SLC5A12: variants seen among roughly 807,000 people sequenced by gnomAD.
SLC5A12 encodes solute carrier family 5 member 12, also known as sodium-coupled monocarboxylate transporter 2.
SLC5A12 carries 46 observed loss-of-function variants against 72.7 expected under a neutral mutation model. The observed-to-expected ratio is 0.63, with a 90% CI of 0.50 to 0.81. SLC5A12 has a LOEUF of 0.81. Among genes scored for constraint, SLC5A12 ranks in the 30% least tolerant of loss-of-function variants. The pLI, the probability that SLC5A12 is intolerant of heterozygous loss-of-function variation, is 0.00. For missense variants in SLC5A12, 683 were observed against 740.7 expected (o/e 0.92, Z 0.90); for synonymous variants, 275 against 264.4 (o/e 1.04, Z -0.39).
intron 6 of SLC5A12, among the ~76,000 whole-genome samples, chr11:26,699,413 G>A (rs117903176): frequency 7.7e-4 from 117 of 152,302 alleles, no homozygotes; most frequent in Admixed American, 1.2e-3. Flanking sequence ...CCGTACAGGT[G>A]TACTTGATTT....
Position 26,703,884 on chromosome 11 carries a change from A to G in SLC5A12, c.589T>C (p.Leu197=). ...GTTGATCCTTGAATGAGAACCGTTA[A>G]GAAGCCCACAATCATGACAACCATC... The part of the protein sequence containing the change: ...FQMVVMIVGF[L]TVLIQGSTHA... The change falls in exon 5 of 15, where the codon TTA becomes CTA. Residue 197 remains leucine (L), a synonymous_variant. Coordinates refer to ENST00000396005, the MANE Select transcript of SLC5A12 (RefSeq NM_178498.4). 6.2e-7 allele frequency: 1 copy of G among 1,613,940 alleles called. No individual in the cohort carries two copies. The highest frequency in any genetic ancestry group is 8.5e-7 in the Non-Finnish European group (1 of 1,179,870).
At position 26,671,025 on chromosome 11, in the gene SLC5A12, G is replaced by A. The variant is rs1333082949; in HGVS notation, c.*77C>T. On this transcript the variant is annotated 3_prime_UTR_variant, in exon 15 of 15. Coordinates refer to ENST00000396005, the MANE Select transcript of SLC5A12 (RefSeq NM_178498.4). ...GGCAACTATACATATCTACTAACAA[G>A]TAGGCAAGAAGTATGTGGAGTTTGT... 1.5e-6 allele frequency: 2 copies of A among 1,311,548 alleles called. No homozygotes were observed. The highest frequency in any genetic ancestry group is 1.6e-5 in the South Asian group (1 of 61,160). The allele number at this position is 1,311,548 out of a possible 1,614,324, so 81.2% of individuals were successfully genotyped here.
intron 6 of SLC5A12, among the ~76,000 whole-genome samples, chr11:26,700,396 A>G (rs557436560): frequency 3.4e-4 from 51 of 151,898 alleles, no homozygotes; most frequent in Non-Finnish European, 5.7e-4. Flanking sequence ...TTATTGGGCA[A>G]CTCTCTGTAC....
At chr11:26,673,356 C>T (rs4347341) in intron 14 of SLC5A12, 46 bp downstream of exon 14, 92,244 of 1,443,988 alleles carry the variant, frequency 0.064, 3,302 homozygotes, top group Middle Eastern at 0.081. Flanking sequence ...AACCAGGAAT[C>T]CCTTTGAGTC....
chr11:26,708,692 C>T (rs1398365608), intron 4 of SLC5A12, among the ~76,000 whole-genome samples: 4 of 151,956 alleles, frequency 2.6e-5, no homozygotes, highest in Non-Finnish European at 5.9e-5. Flanking sequence ...AGGGAATGGG[C>T]AAACAATAGG....
Position 26,669,216 on chromosome 11 carries a change from T to TC in SLC5A12, c.*1885_*1886insG, listed in dbSNP as rs747856407. ...CTTTCTTTCTTTCTTTCTTTCTTTC[T>TC]TTCTCTCTCTCCCTCCCTCTTTCTT... On this transcript the variant is annotated 3_prime_UTR_variant, in exon 15 of 15. Transcript: ENST00000396005. The TC allele has an allele frequency of 2.0e-5, 3 of 149,490 alleles. No homozygotes were observed. The highest frequency in any genetic ancestry group is 6.7e-5 in the Admixed American group (1 of 14,816). 9.3% of individuals were successfully genotyped at this position (149,490 alleles called of 1,614,324 possible).
chr11:26,720,708 T>C (rs1355141166), intron 1 of SLC5A12, among the ~76,000 whole-genome samples: 1 of 152,220 alleles, frequency 6.6e-6, no homozygotes, highest in African/African-American at 2.4e-5. Flanking sequence ...TTGAACATGA[T>C]GTCTTCATTG....
intron 14 of SLC5A12, among the ~76,000 whole-genome samples, chr11:26,672,696 TG>T (rs1854171445): frequency 6.6e-6 from 1 of 152,122 alleles, no homozygotes; most frequent in Admixed American, 6.6e-5. Flanking sequence ...AGTCCAATTT[TG>T]TCTAACTACA....
chr11:26,670,545 G>A lies in SLC5A12; in HGVS notation c.*557C>T, dbSNP rs936274663. The stretch of plus-strand genomic sequence containing the variant: ...AATGACTGGAAGAGGACCTGACAGT[G>A]GTGGTGAAGGGAGGTTAATAGTAGT... On this transcript the variant is annotated 3_prime_UTR_variant, in exon 15 of 15. Transcript: ENST00000396005. 1 of 151,996 alleles carries A rather than the reference G, an allele frequency of 6.6e-6. No individual in the cohort carries two copies. The highest frequency in any genetic ancestry group is 1.9e-4 in the East Asian group (1 of 5,162). 9.4% of individuals were successfully genotyped at this position (151,996 alleles called of 1,614,324 possible).
intron 4 of SLC5A12, 176 bp downstream of exon 4, chr11:26,709,135 GA>G (rs1855160055): frequency 2.2e-6 from 1 of 458,218 alleles, no homozygotes; most frequent in Non-Finnish European, 3.9e-6. Context: ...GGTTGGTAAT[GA>G]AAAGAATGTT....
rs1394822318 is a variant in SLC5A12, at chr11:26,703,421, T to TACAC, written c.821+109_821+110insGTGT. 36 of 1,092,528 alleles carry TACAC rather than the reference T, an allele frequency of 3.3e-5. No homozygotes were observed. The South Asian group carries it at 4.2e-4, about 13-fold the overall frequency. 67.7% of individuals were successfully genotyped at this position (1,092,528 alleles called of 1,614,324 possible). On this transcript the variant is annotated intron_variant, in intron 6 of 14. Transcript: ENST00000396005. ...TCTCTGCCTCTCTCTTACACACACA[T>TACAC]ACATACACACACACACACACACACA...
In SLC5A12 at chr11:26,722,059, A is replaced by T. The variant is rs897771665; in HGVS notation, c.-345T>A. 8.3e-6 allele frequency: 2 copies of T among 241,646 alleles called. No individual in the cohort carries two copies. The highest frequency in any genetic ancestry group is 4.5e-5 in the African/African-American group (2 of 44,258). The allele number at this position is 241,646 out of a possible 1,614,324, so 15.0% of individuals were successfully genotyped here. A position where few individuals can be genotyped will look rare whatever the true frequency, so the allele number is the denominator to read the frequency against. The stretch of plus-strand genomic sequence containing the variant: ...GAAATTAATAACCACTGGGGGTGGA[A>T]TGGACTGGCCAGATAACATGCTGTT... On this transcript the variant is annotated 5_prime_UTR_variant, in exon 1 of 15. Transcript: ENST00000396005.
chr11:26,683,301 C>G lies in SLC5A12; in HGVS notation c.1308+456G>C, dbSNP rs904856670. On this transcript the variant is annotated intron_variant, in intron 11 of 14. Transcript: ENST00000396005. ...AAATGAAGATCCAGCTGTCAGAACC[C>G]AAGTTTGTCCCTTCTCCCCTACATA... Among the ~76,000 whole-genome samples, 2 of 152,048 alleles carry G rather than the reference C, an allele frequency of 1.3e-5. 1 individual carries two copies. The highest frequency in any genetic ancestry group is 4.2e-4 in the South Asian group (2 of 4,816).
At chr11:26,705,160 G>A (rs923694165) in intron 4 of SLC5A12, among the ~76,000 whole-genome samples, 3 of 152,030 alleles carry the variant, frequency 2.0e-5, no homozygotes, top group African/African-American at 7.2e-5. Context: ...GGTCTGGATT[G>A]GGGCCTGGTC....
At chr11:26,684,900 A>T (rs1854493841) in intron 10 of SLC5A12, among the ~76,000 whole-genome samples, 1 of 152,218 alleles carries the variant, frequency 6.6e-6, no homozygotes, top group Non-Finnish European at 1.5e-5. Flanking sequence ...TTCCATGAAT[A>T]GGAAAATAAA....
At chr11:26,683,606 G>C in intron 11 of SLC5A12, 151 bp downstream of exon 11, 1 of 568,316 alleles carries the variant, frequency 1.8e-6, no homozygotes, top group Non-Finnish European at 3.1e-6. Context: ...ACTGAAGTCA[G>C]AGACAGGTAG....
At chr11:26,713,128 T>C (rs1364405607) in intron 1 of SLC5A12, among the ~76,000 whole-genome samples, 1 of 152,116 alleles carries the variant, frequency 6.6e-6, no homozygotes, top group Non-Finnish European at 1.5e-5. Flanking sequence ...CCACTCATCC[T>C]ATCAACCACA....
chr11:26,701,813 T>C (rs1392692733), intron 6 of SLC5A12, among the ~76,000 whole-genome samples: 1 of 152,146 alleles, frequency 6.6e-6, no homozygotes. Flanking sequence ...TACTTGTGTG[T>C]GTCCCTGTGT....
chr11:26,698,098 G>C lies in SLC5A12; in HGVS notation c.951+308C>G, dbSNP rs142051496. Among the ~76,000 whole-genome samples, 341 of 151,806 alleles carry C rather than the reference G, an allele frequency of 2.2e-3. 1 individual carries two copies. The highest frequency in any genetic ancestry group is 7.9e-3 in the African/African-American group (328 of 41,412). On this transcript the variant is annotated intron_variant, in intron 7 of 14. Transcript: ENST00000396005. ...CTTTTAGTAGAGACGATATTTTGCC[G>C]TGTTGGCCAGACTGGTCTCGAACTC...
Sources: gnomAD v4.1 joint callset for allele counts (sites outside exome capture counted in the v4.1 genomes callset) on GRCh38, gnomAD v4.1.1 for gene constraint, MANE v1.5 for transcripts, NCBI Gene and HGNC (gene_info 2026-07-23, HGNC 2026-07-21) for gene names.